The following COL27A1 variants were observed in gnomAD, a reference collection of about 807,000 sequenced individuals.
The protein encoded by COL27A1 is collagen type XXVII alpha 1 chain, also known as collagen alpha-1(XXVII) chain.
Under a neutral mutation model 251.3 loss-of-function variants are expected in COL27A1, and 106 were observed. The ratio of observed to expected loss-of-function variants is 0.42; its 90% CI spans 0.36 to 0.50. The LOEUF (loss-of-function observed/expected upper bound fraction) is 0.50, where lower values mean the gene tolerates loss of function less well. COL27A1 is among the 20% of genes least tolerant of loss of function. The pLI is 0.00. For missense variants in COL27A1, 2,325 were observed against 2,522.8 expected (o/e 0.92, Z 1.68); for synonymous variants, 1,000 against 986.3 (o/e 1.01, Z -0.26).
chr9:114,280,319 C>T (rs746970655), intron 37 of COL27A1, among the ~76,000 whole-genome samples: 7 of 151,918 alleles, frequency 4.6e-5, no homozygotes, highest in South Asian at 2.1e-4. Context: ...TCTCATGCCT[C>T]GGCACTCCCA....
intron 2 of COL27A1, among the ~76,000 whole-genome samples, chr9:114,164,452 C>G (rs1164579822): frequency 6.6e-6 from 1 of 152,166 alleles, no homozygotes; most frequent in African/African-American, 2.4e-5. Context: ...TGGGGGACAC[C>G]TGGAGACTGC....
intron 59 of COL27A1, among the ~76,000 whole-genome samples, 155 bp from the exon 60 acceptor site, chr9:114,309,105 C>T (rs912769118): frequency 5.9e-5 from 9 of 152,146 alleles, no homozygotes; most frequent in Non-Finnish European, 1.2e-4. Context: ...CCTCAGTTTC[C>T]CCGTCTATCA....
intron 55 of COL27A1, 72 bp downstream of exon 55, chr9:114,301,789 G>A (rs537051526): frequency 1.8e-4 from 264 of 1,437,962 alleles, no homozygotes; most frequent in Non-Finnish European, 2.2e-4. Context: ...AGGCTTCACC[G>A]GCAGACTAAG....
intron 10 of COL27A1, 23 bp from the exon 11 acceptor site, chr9:114,209,652 A>G (rs1402104564): frequency 6.2e-7 from 1 of 1,613,496 alleles, no homozygotes. Flanking sequence ...GACCGCTCTG[A>G]CCCCCTTTCT....
chr9:114,164,437 G>T (rs187578023), intron 2 of COL27A1, among the ~76,000 whole-genome samples: 17 of 152,288 alleles, frequency 1.1e-4, no homozygotes, highest in Admixed American at 2.6e-4. Flanking sequence ...GCTGCAGATG[G>T]TCTTTGGGGG....
chr9:114,271,922 C>T (rs1172638517), intron 36 of COL27A1: 1 of 152,258 alleles, frequency 6.6e-6, no homozygotes, highest in Non-Finnish European at 1.5e-5. Context: ...GCTGACTCCT[C>T]ACATTTTCTT....
chr9:114,265,130 G>A lies in COL27A1; in HGVS notation c.3339+20G>A, dbSNP rs1016312161. 6.3e-6 allele frequency: 8 copies of A among 1,265,704 alleles called. No homozygotes were observed. Among genetic ancestry groups the A allele is most frequent in the South Asian group, 2.3e-5 (2 of 85,218 alleles). The allele number at this position is 1,265,704 out of a possible 1,614,324, so 78.4% of individuals were successfully genotyped here. A position where few individuals can be genotyped will look rare whatever the true frequency, so the allele number is the denominator to read the frequency against. On this transcript the variant is annotated intron_variant, in intron 31 of 60. Coordinates refer to ENST00000356083, the MANE Select transcript of COL27A1 (RefSeq NM_032888.4). ...TTTCCTGTAAGTAGCACCAGTTCTT[G>A]AAATTCTCTACATGGGGCTTTTGAT...
chr9:114,252,810 C>G (rs1245387252), intron 26 of COL27A1, 69 bp from the exon 27 acceptor site: 1 of 1,533,652 alleles, frequency 6.5e-7, no homozygotes. Context: ...GGGGCTGAGC[C>G]GACCGAGGTG....
intron 27 of COL27A1, among the ~76,000 whole-genome samples, chr9:114,253,548 G>A (rs1483259603): frequency 6.6e-6 from 1 of 152,088 alleles, no homozygotes; most frequent in Non-Finnish European, 1.5e-5. Context: ...AGGAGAAAAA[G>A]AATAAGGGTT....
chr9:114,264,574 C>T (rs1217150857), intron 29 of COL27A1, among the ~76,000 whole-genome samples, 166 bp downstream of exon 29: 2 of 152,168 alleles, frequency 1.3e-5, no homozygotes, highest in Non-Finnish European at 2.9e-5. Context: ...CTCCTCCTGA[C>T]CCCTCACTGC....
At chr9:114,184,473 A>C (rs897799708) in intron 5 of COL27A1, among the ~76,000 whole-genome samples, 10 of 152,204 alleles carry the variant, frequency 6.6e-5, no homozygotes, top group Admixed American at 1.3e-4. Context: ...GTGCAGGAGC[A>C]CTGGCCTCAG....
intron 10 of COL27A1, chr9:114,209,429 G>A (rs7026363): frequency 0.046 from 34,560 of 758,436 alleles, 1,054 homozygotes; most frequent in African/African-American, 0.11. Context: ...GAGCGCCTGC[G>A]CCCTTCCCTG....
intron 15 of COL27A1, among the ~76,000 whole-genome samples, chr9:114,231,586 A>G (rs1240465279): frequency 6.6e-6 from 1 of 152,192 alleles, no homozygotes; most frequent in Non-Finnish European, 1.5e-5. Flanking sequence ...CCTCCCCACC[A>G]GTTCCTTCTT....
At chr9:114,167,187 C>T (rs1848948194) in intron 2 of COL27A1, among the ~76,000 whole-genome samples, 1 of 152,144 alleles carries the variant, frequency 6.6e-6, no homozygotes, top group African/African-American at 2.4e-5. Flanking sequence ...TATAACGTGT[C>T]ATTGTTGGGC....
intron 49 of COL27A1, among the ~76,000 whole-genome samples, chr9:114,293,296 G>A (rs1384762290): frequency 6.6e-6 from 1 of 152,068 alleles, no homozygotes; most frequent in Non-Finnish European, 1.5e-5. Flanking sequence ...ATGACCCATG[G>A]GTCAAAGAAG....
intron 39 of COL27A1, among the ~76,000 whole-genome samples, chr9:114,283,502 G>A (rs902773961): frequency 6.6e-6 from 1 of 152,212 alleles, no homozygotes; most frequent in Non-Finnish European, 1.5e-5. Context: ...CCTGGAGCCA[G>A]GAGAAGGAGG....
intron 41 of COL27A1, among the ~76,000 whole-genome samples, chr9:114,286,806 T>C (rs79598593): frequency 0.013 from 1,932 of 152,306 alleles, 43 homozygotes; most frequent in African/African-American, 0.044. Context: ...TCAGTATAGC[T>C]GGCTTTGGGC....
chr9:114,170,657 A>G (rs1021626730), intron 3 of COL27A1, among the ~76,000 whole-genome samples: 1 of 152,208 alleles, frequency 6.6e-6, no homozygotes, highest in Non-Finnish European at 1.5e-5. Flanking sequence ...TTATAACCAT[A>G]TTGTCGAACT....
chr9:114,299,976 G>T, intron 49 of COL27A1, 94 bp from the exon 50 acceptor site: 1 of 1,165,422 alleles, frequency 8.6e-7, no homozygotes. Flanking sequence ...TGGAAAGGCT[G>T]GGAGGGAAAA....
Sources: gnomAD v4.1 joint callset for allele counts (sites outside exome capture counted in the v4.1 genomes callset) on GRCh38, gnomAD v4.1.1 for gene constraint, MANE v1.5 for transcripts, NCBI Gene and HGNC (gene_info 2026-07-23, HGNC 2026-07-21) for gene names.